The following HELZ variants were observed in gnomAD, a reference collection of about 807,000 sequenced individuals.
HELZ encodes helicase with zinc finger.
A neutral mutation model predicts 218.2 loss-of-function variants in HELZ; 23 were observed. That is an observed-to-expected ratio of 0.11 (90% CI 0.08 to 0.15). The LOEUF (loss-of-function observed/expected upper bound fraction) is 0.15. Among genes scored for constraint, HELZ ranks in the 10% least tolerant of loss-of-function variants. The pLI, the probability that HELZ is intolerant of heterozygous loss-of-function variation, is 1.00. For missense variants in HELZ, 1,813 were observed against 2,353.7 expected (o/e 0.77, Z 4.75); for synonymous variants, 814 against 829.4 (o/e 0.98, Z 0.32).
intron 15 of HELZ, among the ~76,000 whole-genome samples, chr17:67,163,601 A>C (rs2144127600): frequency 6.6e-6 from 1 of 151,884 alleles, no homozygotes; most frequent in African/African-American, 2.4e-5. Flanking sequence ...ATGGGGCTTC[A>C]CCATGTTAGC....
intron 12 of HELZ, among the ~76,000 whole-genome samples, chr17:67,182,043 A>G (rs1407395566): frequency 2.6e-5 from 4 of 152,186 alleles, no homozygotes; most frequent in Non-Finnish European, 5.9e-5. Context: ...CACCTACAGC[A>G]CATGCGTACC....
intron 5 of HELZ, 101 bp downstream of exon 5, chr17:67,215,798 G>A (rs2040584392): frequency 1.3e-6 from 1 of 793,288 alleles, no homozygotes; most frequent in Admixed American, 2.1e-5. Flanking sequence ...AGTAAGGTGG[G>A]CTTTTCAAAC....
chr17:67,085,903 T>C (rs10491170), intron 32 of HELZ, among the ~76,000 whole-genome samples: 36,944 of 152,150 alleles, frequency 0.24, 4,536 homozygotes, highest in African/African-American at 0.27. Context: ...CATACAAGTT[T>C]AGAGTGTCTT....
At chr17:67,115,667 T>C (rs2037404370) in intron 27 of HELZ, among the ~76,000 whole-genome samples, 1 of 152,046 alleles carries the variant, frequency 6.6e-6, no homozygotes, top group African/African-American at 2.4e-5. Flanking sequence ...ACCATTAAAG[T>C]ATCAAATGAT....
chr17:67,218,434 G>A (rs756455068), intron 4 of HELZ, among the ~76,000 whole-genome samples, 161 bp downstream of exon 4: 14 of 152,058 alleles, frequency 9.2e-5, no homozygotes, highest in Non-Finnish European at 1.5e-4. Flanking sequence ...AGTTTTCAAG[G>A]TTCAAAAACG....
At chr17:67,151,830 C>T (rs2038693794) in intron 17 of HELZ, among the ~76,000 whole-genome samples, 1 of 152,150 alleles carries the variant, frequency 6.6e-6, no homozygotes, top group Non-Finnish European at 1.5e-5. Flanking sequence ...TAATAGGCCT[C>T]ACGCAATGGA....
Position 67,229,378 on chromosome 17 carries a change from C to G in HELZ, c.-19+10055G>C, listed in dbSNP as rs561754825. 1.1e-4 allele frequency among the ~76,000 whole-genome samples: 16 copies of G among 152,216 alleles called. No homozygotes were observed. In the South Asian group the frequency reaches 2.5e-3, roughly 24 times the overall value. ...GACCTAAATCCTACCCAGATTTTAA[C>G]GAATGCTTCAACATCTACTTCTCTA... On this transcript the variant is annotated intron_variant, in intron 3 of 32. Transcript: ENST00000358691.
At chr17:67,231,308 C>A (rs934346291) in intron 3 of HELZ, among the ~76,000 whole-genome samples, 2 of 152,206 alleles carry the variant, frequency 1.3e-5, no homozygotes, top group African/African-American at 4.8e-5. Flanking sequence ...AATGTACCAA[C>A]AATGGCTGGG....
rs371558602 is a variant in HELZ, at chr17:67,211,739, T to C, written c.247+4160A>G. On this transcript the variant is annotated intron_variant, in intron 5 of 32. Coordinates refer to ENST00000358691, the MANE Select transcript of HELZ (RefSeq NM_014877.4). ...AGCTGGGCGTGGTAGCAGGCGCCTGTAATCCCAGTTACTCAGGGGGCTGAG... is the reference window on the plus strand; with the variant it reads ...AGCTGGGCGTGGTAGCAGGCGCCTGCAATCCCAGTTACTCAGGGGGCTGAG... Among the ~76,000 whole-genome samples the C allele has an allele frequency of 4.0e-5, 6 of 151,732 alleles. No homozygotes were observed. The East Asian group carries it at 1.2e-3, about 30-fold the overall frequency.
At chr17:67,097,230 A>G (rs149365601) in intron 31 of HELZ, among the ~76,000 whole-genome samples, 1,665 of 152,348 alleles carry the variant, frequency 0.011, 19 homozygotes, top group South Asian at 0.018. Flanking sequence ...TAAAGAAATA[A>G]TGAAAAAGTT....
intron 3 of HELZ, among the ~76,000 whole-genome samples, chr17:67,220,051 C>A (rs1374277913): frequency 6.6e-6 from 1 of 152,192 alleles, no homozygotes; most frequent in Non-Finnish European, 1.5e-5. Context: ...CTCTCTCCTG[C>A]TCCTCCCTAC....
Position 67,108,404 on chromosome 17 carries a change from T to C in HELZ, c.4724+88A>G, listed in dbSNP as rs772566049. 8.4e-6 allele frequency: 8 copies of C among 956,824 alleles called. No individual in the cohort carries two copies. In the South Asian group the frequency reaches 1.1e-4, roughly 14 times the overall value. The allele number at this position is 956,824 out of a possible 1,614,324, so 59.3% of individuals were successfully genotyped here. On this transcript the variant is annotated intron_variant, in intron 30 of 32. Coordinates refer to ENST00000358691, the MANE Select transcript of HELZ (RefSeq NM_014877.4). The surrounding 1 kb of genome is among the most constrained non-coding windows in gnomAD (Gnocchi z 4.1). ...GCATCCAATTTCTCTGAGGCAATAT[T>C]CCAGCTTGAAGCTAAAAGGACTACA...
chr17:67,169,537 G>A (rs980567900), intron 13 of HELZ, among the ~76,000 whole-genome samples: 1 of 152,092 alleles, frequency 6.6e-6, no homozygotes, highest in Non-Finnish European at 1.5e-5. Context: ...AATCCTCATG[G>A]CCTAATCACC....
intron 27 of HELZ, among the ~76,000 whole-genome samples, chr17:67,117,554 T>TC (rs1312215568): frequency 6.8e-6 from 1 of 148,148 alleles, no homozygotes; most frequent in Non-Finnish European, 1.5e-5. Context: ...ACTGAAAACT[T>TC]TTTTTTTTTT....
chr17:67,149,686 G>A (rs1356865218), intron 19 of HELZ, among the ~76,000 whole-genome samples, 181 bp downstream of exon 19: 2 of 152,172 alleles, frequency 1.3e-5, no homozygotes, highest in Non-Finnish European at 2.9e-5. Flanking sequence ...AGAAAAAAGA[G>A]TAGCAGAATA....
At chr17:67,137,087 C>T (rs975683796) in intron 22 of HELZ, among the ~76,000 whole-genome samples, 2 of 152,070 alleles carry the variant, frequency 1.3e-5, no homozygotes, top group Non-Finnish European at 2.9e-5. Context: ...AACGAGGGCA[C>T]GCACAGCTGA....
chr17:67,098,137 A>G (rs1216643272), intron 31 of HELZ, among the ~76,000 whole-genome samples: 3 of 152,140 alleles, frequency 2.0e-5, no homozygotes, highest in Non-Finnish European at 4.4e-5. Flanking sequence ...TTTCCCCCAC[A>G]TCTAGTTCTG....
intron 31 of HELZ, among the ~76,000 whole-genome samples, chr17:67,088,801 G>A (rs1017667035): frequency 6.6e-6 from 1 of 152,128 alleles, no homozygotes; most frequent in Non-Finnish European, 1.5e-5. Flanking sequence ...AATTTGATTT[G>A]GTTTTCTAGA....
chr17:67,216,205 A>C (rs1490122228), intron 4 of HELZ, among the ~76,000 whole-genome samples: 2 of 151,994 alleles, frequency 1.3e-5, no homozygotes, highest in Non-Finnish European at 2.9e-5. Context: ...TCCCCGCCAA[A>C]AGCTTTACTG....
Sources: allele counts gnomAD v4.1 joint callset (sites outside exome capture counted in the v4.1 genomes callset), GRCh38; gene constraint gnomAD v4.1.1; non-coding constraint Gnocchi (gnomAD v3.1); transcripts MANE v1.5; gene names NCBI Gene and HGNC (gene_info 2026-07-23, HGNC 2026-07-21).